The following SEMA6D variants were observed in gnomAD, a reference collection of about 807,000 sequenced individuals.
SEMA6D encodes the protein semaphorin 6D.
A neutral mutation model predicts 106.6 loss-of-function variants in SEMA6D; 35 were observed. The observed-to-expected ratio is 0.33, with a 90% confidence interval of 0.25 to 0.44. The LOEUF (loss-of-function observed/expected upper bound fraction) is 0.44. Among genes scored for constraint, SEMA6D ranks in the 20% least tolerant of loss-of-function variants. The pLI, the probability that SEMA6D is intolerant of heterozygous loss-of-function variation, is 1.00. For missense variants in SEMA6D, 1,185 were observed against 1,345.9 expected, an observed-to-expected ratio of 0.88 and a Z score of 1.87; for synonymous variants, 499 against 487.7, an observed-to-expected ratio of 1.02 and a Z score of -0.31.
intron 2 of SEMA6D, among the ~76,000 whole-genome samples, chr15:47,433,582 T>C (rs1479244657): frequency 6.6e-6 from 1 of 152,156 alleles, no homozygotes; most frequent in Non-Finnish European, 1.5e-5. Flanking sequence ...TTTTTTGCTT[T>C]ATTTTATCAG....
intron 3 of SEMA6D, among the ~76,000 whole-genome samples, chr15:47,589,760 A>C (rs1596378091): frequency 6.6e-6 from 1 of 152,370 alleles, no homozygotes; most frequent in East Asian, 1.9e-4. Flanking sequence ...CAGGACAGTC[A>C]CTGGTGGCCT....
chr15:47,702,292 A>G (rs1438897489), intron 4 of SEMA6D, among the ~76,000 whole-genome samples: 2 of 152,224 alleles, frequency 1.3e-5, no homozygotes, highest in Non-Finnish European at 2.9e-5. Context: ...ATATGTCATC[A>G]AAGAAATGCA....
At chr15:47,361,418 G>A (rs969320253) in intron 1 of SEMA6D, among the ~76,000 whole-genome samples, 3 of 152,154 alleles carry the variant, frequency 2.0e-5, no homozygotes, top group Non-Finnish European at 2.9e-5. Flanking sequence ...TAGGAGTTCT[G>A]GATATGTTTC....
rs77809973 is a variant in SEMA6D, at chr15:47,505,558, G to T, written c.-87+35013G>T. Among the ~76,000 whole-genome samples, 860 of 152,272 alleles carry T rather than the reference G, an allele frequency of 5.6e-3. 7 individuals are homozygous for T. The highest frequency in any genetic ancestry group is 0.017 in the Middle Eastern group (5 of 292). On this transcript the variant is annotated intron_variant, in intron 3 of 19. Transcript: ENST00000558014. Reference sequence around the variant, plus strand: ...GTAACATTTCCTAAGTGTTATGATTGTCATTGAGGTTATCTAGCTGACATC... The same window carrying T: ...GTAACATTTCCTAAGTGTTATGATTTTCATTGAGGTTATCTAGCTGACATC...
intron 11 of SEMA6D, 26 bp downstream of exon 11, chr15:47,764,331 T>G (rs199886460): frequency 4.4e-6 from 7 of 1,606,672 alleles, no homozygotes; most frequent in Admixed American, 1.7e-5. Flanking sequence ...GAAAAGGGTT[T>G]TGTCTTGAAC....
At chr15:47,661,527 T>C (rs1191567767) in intron 4 of SEMA6D, among the ~76,000 whole-genome samples, 3 of 152,226 alleles carry the variant, frequency 2.0e-5, no homozygotes, top group Non-Finnish European at 4.4e-5. Context: ...TCCCATTCTC[T>C]CCTGAAGGGA....
intron 4 of SEMA6D, among the ~76,000 whole-genome samples, chr15:47,677,343 A>G (rs949430885): frequency 3.3e-5 from 5 of 152,154 alleles, no homozygotes; most frequent in African/African-American, 7.2e-5. Flanking sequence ...AGAGTTTCCC[A>G]TAGCACTGGG....
intron 3 of SEMA6D, among the ~76,000 whole-genome samples, chr15:47,588,281 AT>A (rs773518769): frequency 6.6e-5 from 10 of 152,164 alleles, no homozygotes; most frequent in Non-Finnish European, 1.3e-4. Flanking sequence ...CAGAGGGGTA[AT>A]TAACTTCAGT....
intron 1 of SEMA6D, among the ~76,000 whole-genome samples, chr15:47,276,928 C>T (rs1333210099): frequency 1.3e-5 from 2 of 152,126 alleles, no homozygotes; most frequent in Non-Finnish European, 2.9e-5. Context: ...GGGAGGAGGT[C>T]AAGTTACCGA....
intron 1 of SEMA6D, among the ~76,000 whole-genome samples, chr15:47,376,029 G>A (rs2145506689): frequency 6.6e-6 from 1 of 152,304 alleles, no homozygotes; most frequent in African/African-American, 2.4e-5. Flanking sequence ...ATGTAAAGAA[G>A]GCAAATTATT....
intron 3 of SEMA6D, among the ~76,000 whole-genome samples, chr15:47,562,704 A>T (rs1295614002): frequency 6.6e-6 from 1 of 152,144 alleles, no homozygotes; most frequent in Non-Finnish European, 1.5e-5. Context: ...AGAGTTGGAA[A>T]CTAGAAACTT....
intron 1 of SEMA6D, among the ~76,000 whole-genome samples, chr15:47,265,103 T>C (rs2034257246): frequency 6.6e-6 from 1 of 152,214 alleles, no homozygotes; most frequent in South Asian, 2.1e-4. Flanking sequence ...CTGAATTTGG[T>C]ATCAGAGTGA....
At chr15:47,485,544 A>G (rs982296290) in intron 3 of SEMA6D, among the ~76,000 whole-genome samples, 24 of 152,198 alleles carry the variant, frequency 1.6e-4, no homozygotes, top group Non-Finnish European at 2.4e-4. Flanking sequence ...GTCATACAAT[A>G]CTTAAGCCAA....
chr15:47,656,104 T>C (rs2077787787), intron 4 of SEMA6D, among the ~76,000 whole-genome samples: 1 of 152,254 alleles, frequency 6.6e-6, no homozygotes, highest in Admixed American at 6.5e-5. Context: ...AAGGCTGTGA[T>C]GTGCATTATG....
chr15:47,363,993 T>G (rs1325699218), intron 1 of SEMA6D, among the ~76,000 whole-genome samples: 1 of 152,058 alleles, frequency 6.6e-6, no homozygotes, highest in Non-Finnish European at 1.5e-5. Flanking sequence ...GAGAACAGTG[T>G]GGGGGAAACC....
intron 1 of SEMA6D, among the ~76,000 whole-genome samples, chr15:47,322,282 T>A (rs544846955): frequency 1.5e-4 from 22 of 150,552 alleles, no homozygotes; most frequent in Middle Eastern, 3.5e-3. Context: ...ACTAGTTATT[T>A]TTTTTTTTTT....
intron 2 of SEMA6D, among the ~76,000 whole-genome samples, chr15:47,454,444 C>T (rs1453747947): frequency 6.6e-6 from 1 of 151,854 alleles, no homozygotes; most frequent in African/African-American, 2.4e-5. Context: ...ATAGATAGAT[C>T]GCTGCCCATG....
intron 4 of SEMA6D, among the ~76,000 whole-genome samples, chr15:47,676,349 G>A (rs1217338998): frequency 6.6e-6 from 1 of 152,132 alleles, no homozygotes; most frequent in Non-Finnish European, 1.5e-5. Flanking sequence ...TCTAGTTCTA[G>A]GACATAGGAC....
intron 1 of SEMA6D, among the ~76,000 whole-genome samples, chr15:47,251,914 T>C (rs867343375): frequency 1.2e-4 from 15 of 129,572 alleles, no homozygotes; most frequent in African/African-American, 1.8e-4. Context: ...TGGATTTTTT[T>C]TTTTTTTTTT....
Sources: allele counts gnomAD v4.1 joint callset (sites outside exome capture counted in the v4.1 genomes callset), GRCh38; gene constraint gnomAD v4.1.1; transcripts MANE v1.5; gene names NCBI Gene and HGNC (gene_info 2026-07-23, HGNC 2026-07-21).